The following LDLRAD3 variants were observed in gnomAD, a reference collection of about 807,000 sequenced individuals.
The protein encoded by LDLRAD3 is low-density lipoprotein receptor class A domain-containing protein 3.
A neutral mutation model predicts 29.4 loss-of-function variants in LDLRAD3; 20 were observed. The ratio of observed to expected loss-of-function variants is 0.68; its 90% CI spans 0.48 to 0.99. LDLRAD3 has a LOEUF of 0.99. LDLRAD3 is among the 50% of genes least tolerant of loss of function. The probability of loss-of-function intolerance (pLI) is 0.00; values close to 1 mark genes in which losing one functional copy is unlikely to be tolerated. For missense variants in LDLRAD3, 420 were observed against 454.3 expected (o/e 0.92, Z 0.69); for synonymous variants, 157 against 192.7 (o/e 0.81, Z 1.53).
At chr11:36,195,174 A>G (rs1454645951) in intron 4 of LDLRAD3, among the ~76,000 whole-genome samples, 4 of 152,204 alleles carry the variant, frequency 2.6e-5, no homozygotes, top group South Asian at 4.1e-4. Context: ...CACGGCTGCT[A>G]TCATCATCTT....
intron 4 of LDLRAD3, among the ~76,000 whole-genome samples, chr11:36,142,586 G>C (rs146471767): frequency 0.013 from 1,952 of 152,092 alleles, 51 homozygotes; most frequent in African/African-American, 0.044. Context: ...TCTGGTTCCC[G>C]CCCCCGCCTC....
chr11:36,088,827 C>T (rs1013121559), intron 3 of LDLRAD3, among the ~76,000 whole-genome samples: 2 of 152,166 alleles, frequency 1.3e-5, no homozygotes, highest in Non-Finnish European at 2.9e-5. Flanking sequence ...CTGGGTCATC[C>T]TCCTGTGTGT....
At chr11:36,067,669 G>A (rs1305378496) in intron 2 of LDLRAD3, among the ~76,000 whole-genome samples, 1 of 152,042 alleles carries the variant, frequency 6.6e-6, no homozygotes, top group East Asian at 1.9e-4. Context: ...CTGCTTAACT[G>A]CTGTAATTAA....
At chr11:36,159,507 G>T (rs1462134874) in intron 4 of LDLRAD3, among the ~76,000 whole-genome samples, 1 of 144,912 alleles carries the variant, frequency 6.9e-6, no homozygotes. Context: ...GCTCACTGCT[G>T]TAATCCCAGG....
intron 1 of LDLRAD3, among the ~76,000 whole-genome samples, chr11:36,016,064 G>A (rs550142495): frequency 1.4e-4 from 22 of 152,340 alleles, no homozygotes; most frequent in African/African-American, 3.1e-4. Context: ...CGCAGAGGAC[G>A]AATGACGTTT....
chr11:36,205,193 T>C (rs1271438185), intron 4 of LDLRAD3, among the ~76,000 whole-genome samples: 1 of 152,224 alleles, frequency 6.6e-6, no homozygotes, highest in Non-Finnish European at 1.5e-5. Flanking sequence ...AACAAAGCCA[T>C]TCTGTGTTCT....
At chr11:36,142,582 T>TCCCGCC (rs1554968037) in intron 4 of LDLRAD3, among the ~76,000 whole-genome samples, 10 of 152,190 alleles carry the variant, frequency 6.6e-5, no homozygotes, top group Admixed American at 6.5e-4. Context: ...ACTGTCTGGT[T>TCCCGCC]CCCGCCCCCG....
At chr11:36,135,675 C>T (rs550885709) in intron 4 of LDLRAD3, among the ~76,000 whole-genome samples, 8 of 152,206 alleles carry the variant, frequency 5.3e-5, no homozygotes, top group Middle Eastern at 3.4e-3. Context: ...TTTGGGAAGC[C>T]GAGGCGGGCG....
chr11:35,955,633 G>A (rs1851192095), intron 1 of LDLRAD3, among the ~76,000 whole-genome samples: 1 of 152,148 alleles, frequency 6.6e-6, no homozygotes, highest in African/African-American at 2.4e-5. Flanking sequence ...CAGGGTTACT[G>A]CAAATGACAA....
At chr11:35,994,512 A>G (rs530467569) in intron 1 of LDLRAD3, among the ~76,000 whole-genome samples, 1 of 152,212 alleles carries the variant, frequency 6.6e-6, no homozygotes, top group South Asian at 2.1e-4. Flanking sequence ...TTTTGTTGGT[A>G]TAGGATCTTG....
intron 4 of LDLRAD3, among the ~76,000 whole-genome samples, chr11:36,115,753 C>T (rs924762668): frequency 5.9e-5 from 9 of 152,190 alleles, no homozygotes; most frequent in Admixed American, 2.6e-4. Context: ...CCCTCACTTC[C>T]TTGGCATGAG....
At chr11:36,041,124 TTAAAAA>T (rs1244740407) in intron 2 of LDLRAD3, among the ~76,000 whole-genome samples, 1 of 152,136 alleles carries the variant, frequency 6.6e-6, no homozygotes, top group Non-Finnish European at 1.5e-5. Flanking sequence ...TCCAAATAAC[TTAAAAA>T]TAAAATAAAA....
At chr11:35,965,501 G>C (rs555655945) in intron 1 of LDLRAD3, among the ~76,000 whole-genome samples, 1 of 152,140 alleles carries the variant, frequency 6.6e-6, no homozygotes, top group Non-Finnish European at 1.5e-5. Flanking sequence ...GGAGGGTGTA[G>C]GTAATTTGTT....
intron 4 of LDLRAD3, among the ~76,000 whole-genome samples, chr11:36,188,320 G>T (rs11606074): frequency 0.097 from 12,249 of 126,760 alleles, 556 homozygotes; most frequent in East Asian, 0.24. Context: ...TAAAAGAATG[G>T]TTTTTTAAAG....
At chr11:36,204,353 A>T (rs1409024952) in intron 4 of LDLRAD3, among the ~76,000 whole-genome samples, 1 of 152,204 alleles carries the variant, frequency 6.6e-6, no homozygotes, top group Non-Finnish European at 1.5e-5. Context: ...AGTTGGCCCA[A>T]AGTGGAAAAA....
At chr11:36,125,485 A>G (rs752380953) in intron 4 of LDLRAD3, among the ~76,000 whole-genome samples, 2 of 152,246 alleles carry the variant, frequency 1.3e-5, no homozygotes, top group African/African-American at 2.4e-5. Context: ...GCTGTTAGTC[A>G]TCATGATTAA....
intron 1 of LDLRAD3, among the ~76,000 whole-genome samples, chr11:35,951,267 A>G (rs1408496018): frequency 6.6e-6 from 1 of 152,106 alleles, no homozygotes; most frequent in East Asian, 1.9e-4. Context: ...TAGCTTTAAC[A>G]TGGATTTATA....
At chr11:35,975,188 A>G (rs929393844) in intron 1 of LDLRAD3, among the ~76,000 whole-genome samples, 1 of 152,204 alleles carries the variant, frequency 6.6e-6, no homozygotes, top group Non-Finnish European at 1.5e-5. Flanking sequence ...GTATAGGACA[A>G]GCTTACTACC....
At chr11:36,169,861 T>C (rs752840745) in intron 4 of LDLRAD3, among the ~76,000 whole-genome samples, 3 of 152,186 alleles carry the variant, frequency 2.0e-5, no homozygotes, top group Non-Finnish European at 4.4e-5. Flanking sequence ...TAGGTTTTTG[T>C]ATTTTTTAAG....
Sources: gnomAD v4.1 joint callset for allele counts (sites outside exome capture counted in the v4.1 genomes callset) on GRCh38, gnomAD v4.1.1 for gene constraint, MANE v1.5 for transcripts, NCBI Gene and HGNC (gene_info 2026-07-23, HGNC 2026-07-21) for gene names.